The following NRDC variants were observed in gnomAD, a reference collection of about 807,000 sequenced individuals.
The protein encoded by NRDC is nardilysin convertase, also known as nardilysin.
NRDC carries 54 observed loss-of-function variants against 147.1 expected under a neutral mutation model. The observed-to-expected ratio is 0.37, with a 90% CI of 0.29 to 0.46. The LOEUF (loss-of-function observed/expected upper bound fraction) is 0.46, where lower values mean the gene tolerates loss of function less well. NRDC is among the 20% of genes least tolerant of loss of function. NRDC has a pLI of 1.00. For missense variants in NRDC, 1,082 were observed against 1,370.6 expected (o/e 0.79, Z 3.33); for synonymous variants, 440 against 482.1 (o/e 0.91, Z 1.14).
intron 1 of NRDC, among the ~76,000 whole-genome samples, chr1:51,855,437 T>C (rs531771111): frequency 4.0e-5 from 6 of 151,782 alleles, no homozygotes; most frequent in Admixed American, 1.3e-4. Context: ...TGGTATAATA[T>C]TTGGGTGAAG....
chr1:51,841,988 T>C (rs1033717238), intron 1 of NRDC, among the ~76,000 whole-genome samples: 1 of 152,214 alleles, frequency 6.6e-6, no homozygotes, highest in South Asian at 2.1e-4. Flanking sequence ...GCAGGCAACG[T>C]AGCGAAACCT....
intron 26 of NRDC, 79 bp from the exon 27 acceptor site, chr1:51,791,740 G>T: frequency 8.4e-7 from 1 of 1,183,892 alleles, no homozygotes; most frequent in Non-Finnish European, 1.2e-6. Context: ...ATAGGAGTGG[G>T]AAAAGTTTCT....
intron 15 of NRDC, among the ~76,000 whole-genome samples, chr1:51,810,839 T>C (rs748535937): frequency 6.6e-6 from 1 of 152,238 alleles, no homozygotes; most frequent in African/African-American, 2.4e-5. Context: ...AGGTTAAAGA[T>C]TATGTAACTT....
intron 1 of NRDC, among the ~76,000 whole-genome samples, chr1:51,851,635 C>A (rs1306802452): frequency 6.6e-6 from 1 of 151,860 alleles, no homozygotes; most frequent in Non-Finnish European, 1.5e-5. Flanking sequence ...AAAGGGGAAC[C>A]TTTAAACTGG....
At chr1:51,810,609 T>C (rs1187439254) in intron 15 of NRDC, among the ~76,000 whole-genome samples, 1 of 152,252 alleles carries the variant, frequency 6.6e-6, no homozygotes, top group Non-Finnish European at 1.5e-5. Flanking sequence ...TTGACAAATA[T>C]CAAGTATATT....
Position 51,791,630 on chromosome 1 carries a change from A to G in NRDC, c.2908T>C (p.Ser970Pro), listed in dbSNP as rs754841844. 2 of 1,613,888 alleles carry G rather than the reference A, an allele frequency of 1.2e-6. No homozygotes were observed. Among genetic ancestry groups the G allele is most frequent in the Non-Finnish European group, 8.5e-7 (1 of 1,179,826 alleles). Residue 970 changes from serine to proline, a missense_variant, in exon 27 of 31, where the codon TCC becomes CCC. Around this residue, in one of 3 missense-constraint regions of NRDC, gnomAD observed 635 missense variants for 923.8 expected, o/e 0.69. Transcript: ENST00000352171. ...GTGACAGAAAATCCTAGAATCCCGG[A>G]TGTGTTCCTACAGGTAGGGTAGACA... is the stretch of plus-strand genomic sequence containing the variant. ...YHVYPTCRNT[S>P]GILGFSVTVG... is the part of the protein sequence containing the mutation.
At chr1:51,875,807 GC>G (rs1253467477) in intron 1 of NRDC, among the ~76,000 whole-genome samples, 1 of 151,940 alleles carries the variant, frequency 6.6e-6, no homozygotes, top group African/African-American at 2.4e-5. Context: ...TCCCAACACG[GC>G]CCCCCAAGTG....
chr1:51,825,425 T>A, intron 5 of NRDC, 43 bp from the exon 6 acceptor site: 1 of 1,370,824 alleles, frequency 7.3e-7, no homozygotes, highest in Admixed American at 2.2e-5. Context: ...AAATTCAGTA[T>A]CTCCTTTATT....
At chr1:51,861,747 T>G (rs1682554924) in intron 1 of NRDC, among the ~76,000 whole-genome samples, 1 of 152,192 alleles carries the variant, frequency 6.6e-6, no homozygotes, top group Admixed American at 6.5e-5. Flanking sequence ...GGCAGAAATA[T>G]ACCTGAAGTT....
intron 21 of NRDC, 174 bp from the exon 22 acceptor site, chr1:51,798,585 C>T (rs1679042873): frequency 1.8e-6 from 1 of 550,822 alleles, no homozygotes; most frequent in African/African-American, 1.9e-5. Flanking sequence ...GTACTGAAAA[C>T]CACATACACA....
chr1:51,872,243 G>A (rs765304863), intron 1 of NRDC, among the ~76,000 whole-genome samples: 21 of 152,202 alleles, frequency 1.4e-4, no homozygotes, highest in Admixed American at 2.6e-4. Context: ...TGCCTTGGCC[G>A]CCCAAAGTGC....
rs1680437981 is a variant in NRDC, at chr1:51,826,227, A to G, written c.941-845T>C. Among the ~76,000 whole-genome samples, 3 of 152,338 alleles carry G rather than the reference A, an allele frequency of 2.0e-5. No individual in the cohort carries two copies. The South Asian group carries it at 6.2e-4, about 32-fold the overall frequency. On this transcript the variant is annotated intron_variant, in intron 5 of 30. Transcript: ENST00000352171. The stretch of plus-strand genomic sequence containing the variant: ...GAACTGCAGTTCTGACACTAAGCTC[A>G]ACAACCTTGAGGAAGTTATCTAACG...
At chr1:51,845,734 A>T (rs1016567013) in intron 1 of NRDC, among the ~76,000 whole-genome samples, 4 of 152,068 alleles carry the variant, frequency 2.6e-5, no homozygotes, top group East Asian at 1.9e-4. Context: ...TCATTACTTG[A>T]TTTTATTTTC....
Position 51,789,326 on chromosome 1 carries a change from A to G in NRDC, c.3366T>C (p.Pro1122=), listed in dbSNP as rs1678442854. 5 of 1,614,040 alleles carry G rather than the reference A, an allele frequency of 3.1e-6. No homozygotes were observed. The East Asian group carries it at 6.7e-5, about 22-fold the overall frequency. The part of the protein sequence containing the change: ...VMQLTYLPTS[P]LLADCIIPIT... ...TGGGGATGATACAATCTGCCAGCAG[A>G]GGAGAGGTTGGCAGGTAGGTCAGCT... The change falls in exon 31 of 31, where the codon CCT becomes CCC. Residue 1122 remains proline (P), a synonymous_variant. Coordinates refer to ENST00000352171, the MANE Select transcript of NRDC (RefSeq NM_001101662.2).
Position 51,790,990 on chromosome 1 carries a change from A to T in NRDC, c.2961T>A (p.Asn987Lys). The change falls in exon 28 of 31, where the codon AAT (asparagine) becomes AAA (lysine). Residue 987 changes from asparagine (N) to lysine (K), a missense_variant and splice_region_variant. Asn to Lys is a moderately conservative substitution (Grantham distance 94). Transcript: ENST00000352171. The stretch of plus-strand genomic sequence containing the variant: ...CTATCTTCTTATCAACAACTTCAGA[A>T]CTGAAACAAAACATCTTCAATCAGA... ...VTVGTQATKYNSEVVDKKIEE... is the reference protein window; with the variant it reads ...VTVGTQATKYKSEVVDKKIEE... The T allele has an allele frequency of 6.2e-7, 1 of 1,606,662 alleles. No individual in the cohort carries two copies. Among genetic ancestry groups the T allele is most frequent in the Middle Eastern group, 1.7e-4 (1 of 6,046 alleles).
chr1:51,807,532 C>A (rs749634674), intron 17 of NRDC, among the ~76,000 whole-genome samples: 8 of 152,160 alleles, frequency 5.3e-5, no homozygotes, highest in Middle Eastern at 3.4e-3. Context: ...CATAGAGAGA[C>A]CACATCTCTA....
At chr1:51,797,140 C>T (rs1249548412) in intron 22 of NRDC, among the ~76,000 whole-genome samples, 1 of 151,820 alleles carries the variant, frequency 6.6e-6, no homozygotes, top group Non-Finnish European at 1.5e-5. Flanking sequence ...GTGGAGGTTG[C>T]AGTTGGGCCA....
intron 5 of NRDC, among the ~76,000 whole-genome samples, chr1:51,825,692 G>A (rs555566509): frequency 6.6e-6 from 1 of 152,294 alleles, no homozygotes; most frequent in African/African-American, 2.4e-5. Flanking sequence ...TGATGAAAAT[G>A]CTAATAAAAT....
intron 22 of NRDC, chr1:51,795,296 A>G (rs1678846342): frequency 1.9e-6 from 2 of 1,025,754 alleles, no homozygotes; most frequent in Admixed American, 4.9e-5. Context: ...TCTATAAAAT[A>G]AGGGATAAAT....
Sources: allele counts gnomAD v4.1 joint callset (sites outside exome capture counted in the v4.1 genomes callset), GRCh38; gene constraint gnomAD v4.1.1; regional missense constraint gnomAD v4.1.1; transcripts MANE v1.5; gene names NCBI Gene and HGNC (gene_info 2026-07-23, HGNC 2026-07-21).